Variants in CCDC85A observed in about 807,000 individuals in gnomAD.
CCDC85A encodes the protein coiled-coil domain-containing protein 85A.
In CCDC85A, 38 loss-of-function variants were observed where a neutral mutation model predicts 50.2. The ratio of observed to expected loss-of-function variants is 0.76; its 90% CI spans 0.58 to 0.99. CCDC85A has a LOEUF of 0.99. CCDC85A is among the 50% of genes least tolerant of loss of function. The probability of loss-of-function intolerance (pLI) is 0.00; values close to 1 mark genes in which losing one functional copy is unlikely to be tolerated. For synonymous variants in CCDC85A, 366 were observed against 301.4 expected (o/e 1.21, Z -2.22); for missense variants, 820 against 742.0 (o/e 1.11, Z -1.22).
chr2:56,249,261 G>A (rs556210268), intron 2 of CCDC85A, among the ~76,000 whole-genome samples: 102 of 152,328 alleles, frequency 6.7e-4, no homozygotes, highest in South Asian at 1.5e-3. Context: ...TTAGGCAGAG[G>A]GATGTACCAA....
At chr2:56,302,862 A>G (rs2104196178) in intron 2 of CCDC85A, among the ~76,000 whole-genome samples, 1 of 152,198 alleles carries the variant, frequency 6.6e-6, no homozygotes, top group East Asian at 1.9e-4. Context: ...GTAAATCACA[A>G]TTTCTTCTTT....
At chr2:56,228,818 TCACCA>T (rs1558595287) in intron 2 of CCDC85A, among the ~76,000 whole-genome samples, 1 of 152,058 alleles carries the variant, frequency 6.6e-6, no homozygotes, top group Admixed American at 6.6e-5. Flanking sequence ...CAGGCATGAG[TCACCA>T]CACCAGGCCC....
chr2:56,209,584 A>G (rs1201136542), intron 2 of CCDC85A, among the ~76,000 whole-genome samples: 1 of 152,032 alleles, frequency 6.6e-6, no homozygotes, highest in Non-Finnish European at 1.5e-5. Context: ...TTGTATGGAT[A>G]GGTCTGCATT....
intron 5 of CCDC85A, among the ~76,000 whole-genome samples, chr2:56,381,828 A>G (rs916348858): frequency 4.6e-5 from 7 of 152,014 alleles, no homozygotes; most frequent in African/African-American, 1.7e-4. Context: ...CCATTACTGG[A>G]TTGGATTTTG....
intron 1 of CCDC85A, among the ~76,000 whole-genome samples, chr2:56,186,748 G>A (rs1275426134): frequency 6.6e-6 from 1 of 152,186 alleles, no homozygotes; most frequent in Non-Finnish European, 1.5e-5. Flanking sequence ...GTGTGGGTAG[G>A]GGAGGGGAAT....
At chr2:56,188,250 C>T (rs1676136790) in intron 1 of CCDC85A, among the ~76,000 whole-genome samples, 1 of 152,216 alleles carries the variant, frequency 6.6e-6, no homozygotes, top group East Asian at 1.9e-4. Context: ...GGCTGCTTAG[C>T]TGTTCATCAG....
At chr2:56,243,879 T>C (rs564037734) in intron 2 of CCDC85A, among the ~76,000 whole-genome samples, 2 of 152,240 alleles carry the variant, frequency 1.3e-5, no homozygotes, top group Non-Finnish European at 2.9e-5. Context: ...ATACCATAGT[T>C]CTTGCAGACT....
chr2:56,219,539 G>C (rs979504), intron 2 of CCDC85A, among the ~76,000 whole-genome samples: 127,094 of 151,548 alleles, frequency 0.84, 53,360 homozygotes, highest in Admixed American at 0.85. Context: ...TTTCCTTTGC[G>C]TTCCAACTAT....
intron 2 of CCDC85A, among the ~76,000 whole-genome samples, chr2:56,315,139 A>G (rs1573236954): frequency 2.0e-5 from 3 of 152,238 alleles, no homozygotes; most frequent in Non-Finnish European, 1.5e-5. Flanking sequence ...CTCTTTCAAA[A>G]CAACTCATTT....
chr2:56,243,153 G>GTACTTGAATATTGATATCTTTGTCTA (rs1352585033), intron 2 of CCDC85A, among the ~76,000 whole-genome samples: 1 of 147,694 alleles, frequency 6.8e-6, no homozygotes, highest in Admixed American at 6.9e-5. Context: ...TAACCTTCTT[G>GTACTTGAATATTGATATCTTTGTCTA]TACTTGAATA....
intron 2 of CCDC85A, among the ~76,000 whole-genome samples, chr2:56,267,864 A>G (rs1187499471): frequency 6.6e-6 from 1 of 152,198 alleles, no homozygotes; most frequent in Non-Finnish European, 1.5e-5. Context: ...TCAGAGAAAC[A>G]GGTGAAATGG....
chr2:56,314,897 T>C (rs1672852523), intron 2 of CCDC85A, among the ~76,000 whole-genome samples: 1 of 152,158 alleles, frequency 6.6e-6, no homozygotes, highest in African/African-American at 2.4e-5. Flanking sequence ...ACTTGGTCCC[T>C]GGTTCCCAGA....
intron 3 of CCDC85A, among the ~76,000 whole-genome samples, chr2:56,344,380 C>T (rs943681578): frequency 2.0e-5 from 3 of 152,114 alleles, no homozygotes; most frequent in African/African-American, 7.2e-5. Flanking sequence ...GGATTCATCC[C>T]AGGTGGGATG....
At chr2:56,210,661 C>G (rs1335784521) in intron 2 of CCDC85A, among the ~76,000 whole-genome samples, 1 of 151,862 alleles carries the variant, frequency 6.6e-6, no homozygotes, top group South Asian at 2.1e-4. Flanking sequence ...CCTTGAGCAT[C>G]CCCCGAATTT....
intron 2 of CCDC85A, among the ~76,000 whole-genome samples, chr2:56,255,520 AGAG>A (rs940981465): frequency 1.3e-5 from 2 of 152,194 alleles, no homozygotes; most frequent in African/African-American, 4.8e-5. Flanking sequence ...AAGAGTCATC[AGAG>A]GAGACAGAAG....
chr2:56,290,391 G>A (rs1380870831), intron 2 of CCDC85A, among the ~76,000 whole-genome samples: 1 of 152,082 alleles, frequency 6.6e-6, no homozygotes, highest in East Asian at 1.9e-4. Context: ...GTGGGAAAGA[G>A]AACAGGCTTT....
chr2:56,242,767 G>A (rs1288052150), intron 2 of CCDC85A, among the ~76,000 whole-genome samples: 1 of 152,072 alleles, frequency 6.6e-6, no homozygotes, highest in African/African-American at 2.4e-5. Context: ...TTTTTAACTT[G>A]AGGTGATCTG....
At chr2:56,228,662 A>G (rs951231103) in intron 2 of CCDC85A, among the ~76,000 whole-genome samples, 2 of 151,946 alleles carry the variant, frequency 1.3e-5, no homozygotes, top group Admixed American at 1.3e-4. Flanking sequence ...CCTCCCGAGT[A>G]GCTGGGACTA....
chr2:56,254,271 G>A (rs1263657593), intron 2 of CCDC85A, among the ~76,000 whole-genome samples: 10 of 152,126 alleles, frequency 6.6e-5, no homozygotes, highest in South Asian at 2.1e-4. Flanking sequence ...TAACATTCTC[G>A]GAGGGTTCCC....
Sources: allele counts gnomAD v4.1 joint callset (sites outside exome capture counted in the v4.1 genomes callset), GRCh38; gene constraint gnomAD v4.1.1; transcripts MANE v1.5; gene names NCBI Gene and HGNC (gene_info 2026-07-23, HGNC 2026-07-21).